FER: variants seen among roughly 807,000 people sequenced by gnomAD.
The protein encoded by FER is tyrosine-protein kinase Fer.
In FER, 63 loss-of-function variants were observed where a neutral mutation model predicts 111.0. The ratio of observed to expected loss-of-function variants is 0.57; its 90% confidence interval spans 0.46 to 0.70. FER has a LOEUF of 0.70. Among genes scored for constraint, FER ranks in the 30% least tolerant of loss-of-function variants. The pLI is 0.00. For synonymous variants in FER, 327 were observed against 313.9 expected, an observed-to-expected ratio of 1.04 and a Z score of -0.44; for missense variants, 914 against 954.0, an observed-to-expected ratio of 0.96 and a Z score of 0.55.
chr5:108,796,235 C>G (rs1424968991), intron 2 of FER, among the ~76,000 whole-genome samples: 1 of 152,200 alleles, frequency 6.6e-6, no homozygotes, highest in East Asian at 1.9e-4. Flanking sequence ...AATGGAGTCT[C>G]TCTCTCTTTT....
At chr5:108,861,255 A>G (rs922675164) in intron 5 of FER, among the ~76,000 whole-genome samples, 2 of 152,210 alleles carry the variant, frequency 1.3e-5, no homozygotes, top group Non-Finnish European at 2.9e-5. Flanking sequence ...AATGGCAAAC[A>G]CTTCAGAAGT....
intron 13 of FER, among the ~76,000 whole-genome samples, chr5:109,002,436 C>T (rs1185871799): frequency 2.0e-5 from 3 of 151,714 alleles, no homozygotes; most frequent in Non-Finnish European, 2.9e-5. Flanking sequence ...AAAGCTGAAA[C>T]TGGATCCCTT....
chr5:109,024,721 T>A (rs945342035), intron 13 of FER, among the ~76,000 whole-genome samples: 3 of 152,228 alleles, frequency 2.0e-5, no homozygotes, highest in African/African-American at 7.2e-5. Context: ...AACTATATTT[T>A]GCTTTCATTT....
chr5:108,850,245 TC>T (rs1236215216), intron 5 of FER, among the ~76,000 whole-genome samples: 11 of 152,056 alleles, frequency 7.2e-5, no homozygotes, highest in South Asian at 2.1e-4. Flanking sequence ...TGTTTTTTTT[TC>T]CTCTTGAAAT....
intron 5 of FER, among the ~76,000 whole-genome samples, chr5:108,867,045 C>T (rs1764138823): frequency 6.6e-6 from 1 of 152,136 alleles, no homozygotes. Context: ...AGACCTATTT[C>T]TTCAACTTTC....
At chr5:108,788,242 C>G (rs1190245944) in intron 2 of FER, among the ~76,000 whole-genome samples, 1 of 152,244 alleles carries the variant, frequency 6.6e-6, no homozygotes, top group Non-Finnish European at 1.5e-5. Flanking sequence ...AGAGCCAGCG[C>G]CTGTGCTGGT....
chr5:108,968,110 C>CTGCTAAAAATTACCT (rs1760139883), intron 13 of FER, among the ~76,000 whole-genome samples: 1 of 152,160 alleles, frequency 6.6e-6, no homozygotes, highest in Non-Finnish European at 1.5e-5. Context: ...TAAAAGTGGC[C>CTGCTAAAAATTACCT]GGGCACAGTG....
intron 8 of FER, among the ~76,000 whole-genome samples, chr5:108,872,829 T>G (rs1323350797): frequency 6.6e-6 from 1 of 152,222 alleles, no homozygotes; most frequent in African/African-American, 2.4e-5. Flanking sequence ...ATTTAACCTA[T>G]CTCTTGATTT....
chr5:109,185,522 A>G (rs1415256960), intron 18 of FER, among the ~76,000 whole-genome samples: 1 of 152,190 alleles, frequency 6.6e-6, no homozygotes, highest in Middle Eastern at 3.2e-3. Flanking sequence ...AACTTGGTTA[A>G]TCTCCTAGGA....
chr5:108,845,065 T>TACAC (rs1406825390), intron 5 of FER, among the ~76,000 whole-genome samples: 1 of 62,716 alleles, frequency 1.6e-5, no homozygotes, highest in Non-Finnish European at 3.0e-5. Context: ...TATATATATA[T>TACAC]ATACACACAC....
chr5:108,748,304 T>G (rs985873886), intron 1 of FER: 1 of 152,294 alleles, frequency 6.6e-6, no homozygotes, highest in South Asian at 2.1e-4. Flanking sequence ...CTAAAGCAGC[T>G]TCCCTTCCCG....
intron 16 of FER, among the ~76,000 whole-genome samples, chr5:109,063,355 A>G (rs973829367): frequency 1.3e-5 from 2 of 152,202 alleles, no homozygotes; most frequent in Non-Finnish European, 2.9e-5. Context: ...TTACTATGGT[A>G]GTTAACTGGC....
At chr5:108,922,600 A>G (rs1287353589) in intron 10 of FER, among the ~76,000 whole-genome samples, 7 of 152,324 alleles carry the variant, frequency 4.6e-5, no homozygotes, top group Admixed American at 6.5e-5. Flanking sequence ...CTGGCACCTA[A>G]TTAATGCTTA....
chr5:108,810,437 G>T lies in FER; in HGVS notation c.207+12048G>T, dbSNP rs983308907. ...ACATGTGTGGGGCCGGACTGGGCAG[G>T]CCTGCCTACCTGTCGCCCAGTGGCA... On this transcript the variant is annotated intron_variant, in intron 3 of 19. Coordinates refer to ENST00000281092, the MANE Select transcript of FER (RefSeq NM_005246.4). Among the ~76,000 whole-genome samples the T allele has an allele frequency of 6.6e-5, 10 of 152,332 alleles. No homozygotes were observed. The South Asian group carries it at 2.1e-3, about 32-fold the overall frequency.
intron 13 of FER, among the ~76,000 whole-genome samples, chr5:109,003,117 G>A (rs1364434803): frequency 2.0e-5 from 3 of 152,106 alleles, no homozygotes; most frequent in South Asian, 4.1e-4. Context: ...CCATTACTGG[G>A]TATATACCCA....
intron 10 of FER, among the ~76,000 whole-genome samples, chr5:108,916,900 G>C (rs2149541073): frequency 6.6e-6 from 1 of 152,146 alleles, no homozygotes; most frequent in African/African-American, 2.4e-5. Flanking sequence ...ATTTGATCAT[G>C]TTTTCCAGGA....
chr5:109,071,562 C>A (rs181380624), intron 16 of FER, among the ~76,000 whole-genome samples: 275 of 151,962 alleles, frequency 1.8e-3, no homozygotes, highest in Non-Finnish European at 3.3e-3. Flanking sequence ...TGAAAATATA[C>A]AAAGATCATA....
chr5:108,897,506 G>T, intron 9 of FER, 153 bp from the exon 10 acceptor site: 1 of 546,870 alleles, frequency 1.8e-6, no homozygotes, highest in Non-Finnish European at 3.0e-6. Flanking sequence ...AATAAATACT[G>T]TGATAACTTA....
intron 13 of FER, among the ~76,000 whole-genome samples, chr5:109,024,134 G>A (rs1022914371): frequency 2.6e-5 from 4 of 152,100 alleles, no homozygotes; most frequent in Non-Finnish European, 4.4e-5. Flanking sequence ...AAGCAGTTTC[G>A]CTCCATAGCC....
Sources: gnomAD v4.1 joint callset for allele counts (sites outside exome capture counted in the v4.1 genomes callset) on GRCh38, gnomAD v4.1.1 for gene constraint, MANE v1.5 for transcripts, NCBI Gene and HGNC (gene_info 2026-07-23, HGNC 2026-07-21) for gene names.